Variants in PID1 observed in about 807,000 individuals in gnomAD.
The protein encoded by PID1 is PTB-containing, cubilin and LRP1-interacting protein.
PID1 carries 10 observed loss-of-function variants against 19.1 expected under a neutral mutation model. The ratio of observed to expected loss-of-function variants is 0.52; its 90% confidence interval spans 0.32 to 0.89. The LOEUF (loss-of-function observed/expected upper bound fraction) is 0.89. PID1 is among the 40% of genes least tolerant of loss of function. PID1 has a pLI of 0.03. For missense variants in PID1, 248 were observed against 285.3 expected (o/e 0.87, Z 0.94); for synonymous variants, 130 against 116.0 (o/e 1.12, Z -0.78).
chr2:229,140,250 C>A (rs1050604266), intron 2 of PID1, among the ~76,000 whole-genome samples: 1 of 152,078 alleles, frequency 6.6e-6, no homozygotes, highest in Non-Finnish European at 1.5e-5. Flanking sequence ...TGGAATCCTC[C>A]ACCAATCCAT....
intron 2 of PID1, among the ~76,000 whole-genome samples, chr2:229,133,437 C>T (rs573917255): frequency 2.6e-5 from 4 of 152,210 alleles, no homozygotes; most frequent in Non-Finnish European, 5.9e-5. Context: ...ATTTCTTCCA[C>T]GGAATTCTGT....
At chr2:229,129,707 C>A (rs1689687346) in intron 2 of PID1, among the ~76,000 whole-genome samples, 2 of 152,086 alleles carry the variant, frequency 1.3e-5, no homozygotes, top group Non-Finnish European at 2.9e-5. Context: ...TGTCCCTTTT[C>A]CCCCCATATT....
chr2:229,095,476 C>T (rs1396677654), intron 2 of PID1, among the ~76,000 whole-genome samples: 1 of 152,138 alleles, frequency 6.6e-6, no homozygotes, highest in African/African-American at 2.4e-5. Flanking sequence ...TAACAAATTA[C>T]TTTTAAATTG....
At chr2:229,103,725 C>T (rs537490409) in intron 2 of PID1, among the ~76,000 whole-genome samples, 19 of 151,982 alleles carry the variant, frequency 1.3e-4, no homozygotes, top group Admixed American at 2.6e-4. Context: ...TACAGGTGCC[C>T]GCCACCATGC....
At chr2:229,191,676 G>A (rs1183205432) in intron 1 of PID1, among the ~76,000 whole-genome samples, 1 of 152,132 alleles carries the variant, frequency 6.6e-6, no homozygotes. Context: ...CAGGTTCAAA[G>A]CACCAGGGAA....
chr2:229,080,414 G>C lies in PID1; in HGVS notation c.178-54306C>G, dbSNP rs1222526128. On this transcript the variant is annotated intron_variant, in intron 2 of 2. Coordinates refer to ENST00000392055, the MANE Select transcript of PID1 (RefSeq NM_001100818.2). ...CATCCTGCATTCTCTCCCGGGCATG[G>C]CTCTCCAACACCCATCCTAGCTTCC... 2.0e-5 allele frequency among the ~76,000 whole-genome samples: 3 copies of C among 152,170 alleles called. No individual in the cohort carries two copies. In the East Asian group the frequency reaches 5.8e-4, roughly 29 times the overall value.
intron 1 of PID1, among the ~76,000 whole-genome samples, chr2:229,174,103 C>T (rs1370521025): frequency 2.6e-5 from 4 of 152,142 alleles, no homozygotes; most frequent in African/African-American, 4.8e-5. Context: ...TCTCAGGAGA[C>T]CTCAAACTTA....
At chr2:229,267,582 T>C (rs1036084522) in intron 1 of PID1, among the ~76,000 whole-genome samples, 11 of 152,212 alleles carry the variant, frequency 7.2e-5, no homozygotes, top group Admixed American at 4.6e-4. Flanking sequence ...CCTTCGTTTC[T>C]AAGTCAGTCT....
chr2:229,155,423 G>A (rs1041486373), intron 2 of PID1, among the ~76,000 whole-genome samples: 2 of 151,830 alleles, frequency 1.3e-5, no homozygotes, highest in South Asian at 2.1e-4. Context: ...AAAATTAGCC[G>A]GGCATGGTGG....
intron 2 of PID1, among the ~76,000 whole-genome samples, chr2:229,038,142 G>A (rs1186142580): frequency 1.3e-5 from 2 of 152,142 alleles, no homozygotes; most frequent in African/African-American, 4.8e-5. Context: ...GTGGAGATTT[G>A]GAACAAAAGA....
chr2:229,110,340 C>T (rs930203436), intron 2 of PID1, among the ~76,000 whole-genome samples: 1 of 152,104 alleles, frequency 6.6e-6, no homozygotes, highest in African/African-American at 2.4e-5. Flanking sequence ...TAGATGAGGA[C>T]AAGAGTCATC....
intron 1 of PID1, among the ~76,000 whole-genome samples, chr2:229,158,287 G>A (rs1690422257): frequency 6.6e-6 from 1 of 152,142 alleles, no homozygotes; most frequent in African/African-American, 2.4e-5. Flanking sequence ...AAGAAACACT[G>A]AATTTTCATT....
chr2:229,168,932 AAGG>A, intron 1 of PID1, among the ~76,000 whole-genome samples: 1 of 152,218 alleles, frequency 6.6e-6, no homozygotes. Flanking sequence ...GCTTGTCCTT[AAGG>A]TGGAGTCTGG....
intron 1 of PID1, among the ~76,000 whole-genome samples, chr2:229,194,309 C>A (rs1330618694): frequency 2.0e-5 from 3 of 151,916 alleles, no homozygotes; most frequent in Non-Finnish European, 4.4e-5. Context: ...TTAGGCAATT[C>A]TCTTTTAAAA....
chr2:229,194,909 T>C (rs1691340727), intron 1 of PID1, among the ~76,000 whole-genome samples: 1 of 85,130 alleles, frequency 1.2e-5, no homozygotes, highest in Non-Finnish European at 2.3e-5. Context: ...AAAATAACAA[T>C]GCCAATCTCA....
intron 2 of PID1, among the ~76,000 whole-genome samples, chr2:229,108,546 C>T (rs528844983): frequency 2.6e-5 from 4 of 152,262 alleles, no homozygotes; most frequent in Admixed American, 2.6e-4. Flanking sequence ...AGAGCAATTC[C>T]TGAAGGATAT....
At chr2:229,243,672 A>G (rs1689931581) in intron 1 of PID1, among the ~76,000 whole-genome samples, 1 of 152,150 alleles carries the variant, frequency 6.6e-6, no homozygotes, top group Non-Finnish European at 1.5e-5. Flanking sequence ...GATGAAAAAC[A>G]AGAATGAAAC....
At chr2:229,199,319 T>C (rs575199918) in intron 1 of PID1, among the ~76,000 whole-genome samples, 10 of 152,172 alleles carry the variant, frequency 6.6e-5, no homozygotes, top group African/African-American at 1.9e-4. Context: ...TACTATATTA[T>C]ATTACGTGGT....
intron 2 of PID1, among the ~76,000 whole-genome samples, chr2:229,112,146 C>T (rs547031812): frequency 3.9e-5 from 6 of 152,292 alleles, no homozygotes; most frequent in South Asian, 2.1e-4. Flanking sequence ...GATGTTAAAA[C>T]GATTTCAATC....
Sources: allele counts gnomAD v4.1 joint callset (sites outside exome capture counted in the v4.1 genomes callset), GRCh38; gene constraint gnomAD v4.1.1; transcripts MANE v1.5; gene names NCBI Gene and HGNC (gene_info 2026-07-23, HGNC 2026-07-21).